The following CHRNB1 variants were observed in gnomAD, a reference collection of about 807,000 sequenced individuals.
CHRNB1 encodes acetylcholine receptor subunit beta.
Under a neutral mutation model 53.8 loss-of-function variants are expected in CHRNB1, and 47 were observed. The ratio of observed to expected loss-of-function variants is 0.87; its 90% CI spans 0.69 to 1.11. The LOEUF (loss-of-function observed/expected upper bound fraction) is 1.11, where lower values mean the gene tolerates loss of function less well. Among genes scored for constraint, CHRNB1 ranks in the 50% most tolerant of loss-of-function variants. The probability of loss-of-function intolerance (pLI) is 0.00; values close to 1 mark genes in which losing one functional copy is unlikely to be tolerated. For missense variants in CHRNB1, 605 were observed against 654.9 expected (o/e 0.92, Z 0.83); for synonymous variants, 259 against 263.5 (o/e 0.98, Z 0.16).
chr17:7,448,399 T>A (rs1045958960), intron 6 of CHRNB1, among the ~76,000 whole-genome samples, 180 bp from the exon 7 acceptor site: 2 of 151,966 alleles, frequency 1.3e-5, no homozygotes, highest in African/African-American at 4.8e-5. Flanking sequence ...AATAAATAAA[T>A]AAAAATATGG....
rs1349165545 is a variant in CHRNB1, at chr17:7,445,503, C to T, written c.198+94C>T. 1 of 1,553,416 alleles carries T rather than the reference C, an allele frequency of 6.4e-7. No homozygotes were observed. Among genetic ancestry groups the T allele is most frequent in the Non-Finnish European group, 8.7e-7 (1 of 1,154,082 alleles). The stretch of plus-strand genomic sequence containing the variant: ...GACCAGGGACAGGCTGGGGGCGGGG[C>T]CTGGGACGAGACCAGGCTGAGATGG... On this transcript the variant is annotated intron_variant, in intron 2 of 10. Transcript: ENST00000306071. This position sits in a 1 kb window ranked among gnomAD's most constrained non-coding sequence, Gnocchi z 5.7.
intron 4 of CHRNB1, 34 bp downstream of exon 4, chr17:7,446,976 G>C: frequency 6.2e-7 from 1 of 1,605,390 alleles, no homozygotes; most frequent in Non-Finnish European, 8.5e-7. Context: ...GAGGTGGCGC[G>C]GGGCCTCGGG....
Position 7,447,551 on chromosome 17 carries a change from T to A in CHRNB1, c.511T>A (p.Ser171Thr). The change falls in exon 6 of 11, where the codon TCC becomes ACC. Residue 171 changes from serine (S) to threonine (T), a missense_variant. Transcript: ENST00000306071. ...GCAGAATTGCACTATGGTGTTCAGC[T>A]CCTACAGCTACGACAGCTCGGAGGT... ...DWQNCTMVFS[S>T]YSYDSSEVSL... 1.2e-6 allele frequency: 2 copies of A among 1,614,156 alleles called. No homozygotes were observed. Among genetic ancestry groups the A allele is most frequent in the Non-Finnish European group, 1.7e-6 (2 of 1,180,036 alleles).
chr17:7,450,943 A>G (rs1012299270), intron 7 of CHRNB1, among the ~76,000 whole-genome samples: 12 of 152,200 alleles, frequency 7.9e-5, no homozygotes, highest in Admixed American at 2.0e-4. Flanking sequence ...CTGTAATCCC[A>G]GCACTTTGGG....
In CHRNB1 at chr17:7,456,573, C is replaced by T. The variant is rs772284122; in HGVS notation, c.1366-10C>T. The T allele has an allele frequency of 2.5e-6, 4 of 1,614,094 alleles. No homozygotes were observed. Among genetic ancestry groups the T allele is most frequent in the Middle Eastern group, 1.6e-4 (1 of 6,062 alleles). ...CCAGAGCTCAGGAAGTTTCCTTTGC[C>T]TACCCACAGCTGAAGGAGGACTGGC... On this transcript the variant is annotated splice_polypyrimidine_tract_variant and intron_variant, in intron 10 of 10. Coordinates refer to ENST00000306071, the MANE Select transcript of CHRNB1 (RefSeq NM_000747.3).
chr17:7,455,818 T>C lies in CHRNB1; in HGVS notation c.1242T>C (p.Pro414=), dbSNP rs1226706329. 3 of 1,614,038 alleles carry C rather than the reference T, an allele frequency of 1.9e-6. No individual in the cohort carries two copies. The highest frequency in any genetic ancestry group is 2.7e-5 in the African/African-American group (2 of 74,922). ...PNRFQPELSA[P]DLRRFIDGPN... ...GGTTCCAGCCTGAACTGTCTGCCCC[T>C]GATCTGCGGCGATTTATCGATGGTC... Residue 414 remains proline, a synonymous_variant, in exon 10 of 11, where the codon CCT becomes CCC. Transcript: ENST00000306071.
rs2069957328 is a variant in CHRNB1, at chr17:7,456,786, AG to A, written c.*64del. On this transcript the variant is annotated 3_prime_UTR_variant, in exon 11 of 11. Transcript: ENST00000306071. Reference sequence around the variant, plus strand: ...AAGTGAGAGTTTGGTGATACTGTCAAGCCCTATCCTTCTCTGCCTCTTAACT... The same window carrying A: ...AAGTGAGAGTTTGGTGATACTGTCAACCCTATCCTTCTCTGCCTCTTAACT... 5.6e-6 allele frequency: 9 copies of A among 1,601,918 alleles called. No individual in the cohort carries two copies. The East Asian group carries it at 2.0e-4, about 36-fold the overall frequency.
chr17:7,452,779 T>A (rs2150841614), intron 7 of CHRNB1, among the ~76,000 whole-genome samples: 1 of 152,310 alleles, frequency 6.6e-6, no homozygotes, highest in Middle Eastern at 3.4e-3. Flanking sequence ...TCCCAGCACT[T>A]TGGGAGGCTA....
chr17:7,455,680 A>C (rs2069942390), intron 9 of CHRNB1, 114 bp from the exon 10 acceptor site: 2 of 1,435,462 alleles, frequency 1.4e-6, no homozygotes, highest in East Asian at 4.5e-5. Context: ...GAAAAGCATG[A>C]TGGGCTCTCG....
rs755005617 is a variant in CHRNB1 at position 7,446,881 on chromosome 17, A to G, written c.292A>G (p.Ile98Val). Reference protein sequence around the residue: ...LSWDPAEHDGIDSLRITAESV... With the variant: ...LSWDPAEHDGVDSLRITAESV... ...CTGGGACCCTGCGGAGCACGACGGC[A>G]TCGATTCGCTCCGCATCACGGCGGA... The change falls in exon 4 of 11, where the codon ATC becomes GTC. Residue 98 changes from isoleucine to valine, a missense_variant. Coordinates refer to ENST00000306071, the MANE Select transcript of CHRNB1 (RefSeq NM_000747.3). 6.2e-7 allele frequency: 1 copy of G among 1,613,966 alleles called. No individual in the cohort carries two copies. The highest frequency in any genetic ancestry group is 8.5e-7 in the Non-Finnish European group (1 of 1,180,006).
chr17:7,455,548 G>C, intron 9 of CHRNB1, 92 bp downstream of exon 9: 1 of 1,484,020 alleles, frequency 6.7e-7, no homozygotes, highest in Non-Finnish European at 9.4e-7. Context: ...GCTCTCGGAA[G>C]ACGCTGTGGT....
rs1908569146 is a variant in CHRNB1 at position 7,445,483 on chromosome 17, G to A, written c.198+74G>A. On this transcript the variant is annotated intron_variant, in intron 2 of 10. Coordinates refer to ENST00000306071, the MANE Select transcript of CHRNB1 (RefSeq NM_000747.3). This position sits in a 1 kb window ranked among gnomAD's most constrained non-coding sequence, Gnocchi z 5.7. ...CGTGGCTTTAGGCAAGGCCGGACCA[G>A]GGACAGGCTGGGGGCGGGGCCTGGG... 3 of 1,572,166 alleles carry A rather than the reference G, an allele frequency of 1.9e-6. No individual in the cohort carries two copies. Among genetic ancestry groups the A allele is most frequent in the African/African-American group, 2.7e-5 (2 of 74,232 alleles).
Position 7,456,700 on chromosome 17 carries a change from C to T in CHRNB1, c.1483C>T (p.Pro495Ser). ...VIFLDATYHLPPPDPFP is the reference protein window; with the variant it reads ...VIFLDATYHLSPPDPFP The stretch of plus-strand genomic sequence containing the variant: ...CTTCCTGGACGCCACGTACCACTTG[C>T]CCCCTCCAGACCCCTTTCCTTGAAG... The change falls in exon 11 of 11, where the codon CCC becomes TCC. Residue 495 changes from proline (P) to serine (S), a missense_variant. Physicochemically the swap from Pro to Ser is moderately conservative, Grantham distance 74. Coordinates refer to ENST00000306071, the MANE Select transcript of CHRNB1 (RefSeq NM_000747.3). The T allele has an allele frequency of 6.2e-7, 1 of 1,614,182 alleles. No homozygotes were observed. The highest frequency in any genetic ancestry group is 1.1e-5 in the South Asian group (1 of 91,082).
intron 8 of CHRNB1, 80 bp downstream of exon 8, chr17:7,454,600 G>A: frequency 8.6e-7 from 1 of 1,163,268 alleles, no homozygotes; most frequent in Admixed American, 1.8e-5. Context: ...GCAGAGTGTT[G>A]AAGTGTCCAA....
rs1012581418 is a variant in CHRNB1 at position 7,445,629 on chromosome 17, G to A, written c.198+220G>A. On this transcript the variant is annotated intron_variant, in intron 2 of 10. Transcript: ENST00000306071. This position sits in a 1 kb window ranked among gnomAD's most constrained non-coding sequence, Gnocchi z 5.7. Reference sequence around the variant, plus strand: ...AGTAGAACTGGGTAGGGTGAAGGACGGACCTGTGATCGGACCTTAAAGTGG... The same window carrying A: ...AGTAGAACTGGGTAGGGTGAAGGACAGACCTGTGATCGGACCTTAAAGTGG... 6.9e-6 allele frequency: 10 copies of A among 1,441,018 alleles called. No homozygotes were observed. The African/African-American group carries it at 1.3e-4, about 19-fold the overall frequency. The allele number at this position is 1,441,018 out of a possible 1,614,324, so 89.3% of individuals were successfully genotyped here.
chr17:7,453,976 A>G (rs914758150), intron 7 of CHRNB1, among the ~76,000 whole-genome samples: 4 of 152,106 alleles, frequency 2.6e-5, no homozygotes, highest in Admixed American at 2.0e-4. Flanking sequence ...TGGGAAGACC[A>G]CTTGAGCCTG....
rs4796417 is a variant in CHRNB1 at position 7,447,918 on chromosome 17, G to A, written c.610+268G>A. ...GTGAAACCCCGTCTCTACTAAAAATGCAAAAAATTAGCCAGTCATGGTGGC... is the reference window on the plus strand; with the variant it reads ...GTGAAACCCCGTCTCTACTAAAAATACAAAAAATTAGCCAGTCATGGTGGC... On this transcript the variant is annotated intron_variant, in intron 6 of 10. Coordinates refer to ENST00000306071, the MANE Select transcript of CHRNB1 (RefSeq NM_000747.3). Among the ~76,000 whole-genome samples the A allele has an allele frequency of 0.17, 25,074 of 149,696 alleles. 2,258 individuals are homozygous for A. Among genetic ancestry groups the A allele is most frequent in the South Asian group, 0.22 (1,028 of 4,692 alleles).
intron 10 of CHRNB1, 51 bp downstream of exon 10, chr17:7,455,992 AC>A: frequency 6.6e-7 from 1 of 1,507,796 alleles, no homozygotes; most frequent in Non-Finnish European, 8.9e-7. Context: ...CCTTGGCCCC[AC>A]CCCCAAATTC....
At chr17:7,446,984 G>A (rs866659276) in intron 4 of CHRNB1, 42 bp downstream of exon 4, 3 of 1,604,346 alleles carry the variant, frequency 1.9e-6, no homozygotes, top group South Asian at 1.1e-5. Context: ...GCGGGGCCTC[G>A]GGGGGCGGGG....
Sources: gnomAD v4.1 joint callset for allele counts (sites outside exome capture counted in the v4.1 genomes callset) on GRCh38, gnomAD v4.1.1 for gene constraint, Gnocchi (gnomAD v3.1) non-coding constraint, MANE v1.5 for transcripts, NCBI Gene and HGNC (gene_info 2026-07-23, HGNC 2026-07-21) for gene names.